Variants in OXNAD1 observed in about 807,000 individuals in gnomAD.
OXNAD1 encodes the protein oxidoreductase NAD binding domain containing 1, also known as oxidoreductase NAD-binding domain-containing protein 1.
A neutral mutation model predicts 32.9 loss-of-function variants in OXNAD1; 34 were observed. The observed-to-expected ratio is 1.03, with a 90% CI of 0.79 to 1.38. OXNAD1 has a LOEUF of 1.38. Among genes scored for constraint, OXNAD1 ranks in the 40% most tolerant of loss-of-function variants. The pLI is 0.00. For missense variants in OXNAD1, 407 were observed against 379.4 expected (o/e 1.07, Z -0.60); for synonymous variants, 134 against 135.2 (o/e 0.99, Z 0.06).
rs180950245 is a variant in OXNAD1, at chr3:16,323,391, C to G, written c.*31-13721C>G. The G allele has an allele frequency of 5.5e-5, 88 of 1,609,912 alleles. No individual in the cohort carries two copies. In the East Asian group the frequency reaches 1.7e-3, roughly 31 times the overall value. ...AGTCTCTTACCTTCGATTCCTTCTTCTTGATTTTCTGAGGTAGACAAGGTC... is the reference window on the plus strand; with the variant it reads ...AGTCTCTTACCTTCGATTCCTTCTTGTTGATTTTCTGAGGTAGACAAGGTC... On this transcript the variant is annotated intron_variant, in intron 9 of 9. Transcript: ENST00000435829.
chr3:16,286,262 C>T, intron 4 of OXNAD1, 80 bp from the exon 5 acceptor site: 6 of 1,124,994 alleles, frequency 5.3e-6, no homozygotes, highest in Non-Finnish European at 8.0e-6. Flanking sequence ...TTTCAAAAAC[C>T]TTAGTTCTCA....
At position 16,270,929 on chromosome 3, in the gene OXNAD1, T is replaced by C; in HGVS notation, c.-8-16T>C. The C allele has an allele frequency of 6.2e-7, 1 of 1,613,618 alleles. No individual in the cohort carries two copies. The highest frequency in any genetic ancestry group is 1.7e-4 in the Middle Eastern group (1 of 6,058). On this transcript the variant is annotated splice_polypyrimidine_tract_variant and intron_variant, in intron 2 of 8. Transcript: ENST00000285083. ...TTAAAAAAACAATTTGAAATTTCAG[T>C]TTTCTGTTTGCCCAGAAAGCGCCAT...
chr3:16,329,353 GGGAA>G lies in OXNAD1; in HGVS notation c.*31-7758_*31-7755del, dbSNP rs2070063125. Reference sequence around the variant, plus strand: ...CAGGGCGGAAGTGGAGAAAGGGAAAGGGAAAGAGGAAACTTAATAAAGGAAGGCG... The same window carrying G: ...CAGGGCGGAAGTGGAGAAAGGGAAAGAGAGGAAACTTAATAAAGGAAGGCG... On this transcript the variant is annotated intron_variant, in intron 9 of 9. Coordinates refer to the OXNAD1 transcript ENST00000435829. The surrounding 1 kb of genome is among the most constrained non-coding windows in gnomAD (Gnocchi z 4.5). 6.6e-6 allele frequency among the ~76,000 whole-genome samples: 1 copy of G among 151,338 alleles called. No homozygotes were observed. The highest frequency in any genetic ancestry group is 2.4e-5 in the African/African-American group (1 of 41,130).
At chr3:16,274,753 T>C (rs2065202145) in intron 4 of OXNAD1, among the ~76,000 whole-genome samples, 1 of 152,242 alleles carries the variant, frequency 6.6e-6, no homozygotes, top group South Asian at 2.1e-4. Context: ...ACCTGACGTC[T>C]GTTTCAGGTT....
intron 5 of OXNAD1, among the ~76,000 whole-genome samples, chr3:16,293,589 G>C (rs566011109): frequency 1.1e-4 from 17 of 150,704 alleles, no homozygotes; most frequent in African/African-American, 3.2e-4. Context: ...TTTCTCTTAG[G>C]GGGGAAACTT....
In OXNAD1 at chr3:16,346,439, TC is replaced by T. The variant is rs1300093140; in HGVS notation, c.*31-2735del. The T allele has an allele frequency of 1.3e-5, 2 of 152,166 alleles. No homozygotes were observed. The highest frequency in any genetic ancestry group is 2.4e-5 in the African/African-American group (1 of 41,436). The allele number at this position is 152,166 out of a possible 1,614,324, so 9.4% of individuals were successfully genotyped here. On this transcript the variant is annotated intron_variant, in intron 9 of 9. Coordinates refer to the OXNAD1 transcript ENST00000606098. The surrounding 1 kb of genome is among the most constrained non-coding windows in gnomAD (Gnocchi z 4.4). ...AGATAAAGATTAAAGGTCAAATACT[TC>T]CTTTTGTCATCTCATTATCCAAACC...
At chr3:16,279,245 G>A (rs1289370568) in intron 4 of OXNAD1, among the ~76,000 whole-genome samples, 1 of 152,110 alleles carries the variant, frequency 6.6e-6, no homozygotes, top group African/African-American at 2.4e-5. Context: ...TGGGGGGCTG[G>A]ACTGCAGCTC....
rs1020648342 is a variant in OXNAD1, at chr3:16,289,925, C to A, written c.290+3477C>A. ...GGTTCATTGAGGGCAGCAACTAAGA[C>A]ATATGTGCATCTTTGTACCTCCAGC... is the stretch of plus-strand genomic sequence containing the variant. On this transcript the variant is annotated intron_variant, in intron 5 of 8. Transcript: ENST00000285083. The surrounding 1 kb of genome is among the most constrained non-coding windows in gnomAD (Gnocchi z 4.9). Among the ~76,000 whole-genome samples, 15 of 152,216 alleles carry A rather than the reference C, an allele frequency of 9.9e-5. No individual in the cohort carries two copies. The highest frequency in any genetic ancestry group is 4.8e-5 in the African/African-American group (2 of 41,456).
chr3:16,344,074 G>T lies in OXNAD1; in HGVS notation c.*31-5102G>T, dbSNP rs1311658305. Among the ~76,000 whole-genome samples, 1 of 152,248 alleles carries T rather than the reference G, an allele frequency of 6.6e-6. No homozygotes were observed. Among genetic ancestry groups the T allele is most frequent in the East Asian group, 1.9e-4 (1 of 5,200 alleles). ...CACAGCCCAGAGCACTTGGAGGGAAGCAGTAGAGACATTCTTGGCCTGTAT... is the reference window on the plus strand; with the variant it reads ...CACAGCCCAGAGCACTTGGAGGGAATCAGTAGAGACATTCTTGGCCTGTAT... On this transcript the variant is annotated intron_variant, in intron 9 of 9. Coordinates refer to the OXNAD1 transcript ENST00000606098. This position sits in a 1 kb window ranked among gnomAD's most constrained non-coding sequence, Gnocchi z 4.4.
intron 4 of OXNAD1, chr3:16,276,338 GA>G: frequency 5.2e-6 from 1 of 193,876 alleles, no homozygotes; most frequent in Non-Finnish European, 1.1e-5. Context: ...TTTCTTCTGT[GA>G]ATTTTTTTTT....
In OXNAD1 at chr3:16,317,037, C is replaced by T; in HGVS notation, c.*30+13445C>T. ...TCTCCCTTGTCCTCTTGGACAGGGC[C>T]CTTCATCTCCTCGGAGACTCCACCC... is the stretch of plus-strand genomic sequence containing the variant. On this transcript the variant is annotated intron_variant, in intron 9 of 9. Transcript: ENST00000435829. The surrounding 1 kb of genome is among the most constrained non-coding windows in gnomAD (Gnocchi z 4.3). The T allele has an allele frequency of 6.2e-7, 1 of 1,613,796 alleles. No individual in the cohort carries two copies. Among genetic ancestry groups the T allele is most frequent in the Non-Finnish European group, 8.5e-7 (1 of 1,179,952 alleles).
rs573114437 is a variant in OXNAD1, at chr3:16,318,224, G to A, written c.*30+14632G>A. Among the ~76,000 whole-genome samples the A allele has an allele frequency of 9.2e-5, 14 of 152,154 alleles. 1 individual carries two copies. In the South Asian group the frequency reaches 1.2e-3, roughly 14 times the overall value. On this transcript the variant is annotated intron_variant, in intron 9 of 9. Transcript: ENST00000435829. The stretch of plus-strand genomic sequence containing the variant: ...TTTCTCAATCTGAATTTCTCATCTC[G>A]GTGGCCCAGAGTGCACGTGGGGTTT...
intron 4 of OXNAD1, among the ~76,000 whole-genome samples, chr3:16,281,730 G>A (rs898949548): frequency 6.6e-6 from 1 of 152,020 alleles, no homozygotes; most frequent in Non-Finnish European, 1.5e-5. Context: ...TGATCGTGAC[G>A]CATTCTCAGG....
At chr3:16,272,267 C>T in intron 4 of OXNAD1, 1 of 406,740 alleles carries the variant, frequency 2.5e-6, no homozygotes, top group Non-Finnish European at 4.8e-6. Flanking sequence ...AGCTAATCTA[C>T]CACCTGAAGG....
Position 16,301,630 on chromosome 3 carries a change from C to G in OXNAD1, c.437C>G (p.Thr146Arg). 6.2e-7 allele frequency: 1 copy of G among 1,613,918 alleles called. No individual in the cohort carries two copies. The highest frequency in any genetic ancestry group is 8.5e-7 in the Non-Finnish European group (1 of 1,179,918). The change falls in exon 7 of 9, where the codon ACA becomes AGA. Residue 146 changes from threonine (T) to arginine (R), a missense_variant. Thr to Arg is a moderately conservative substitution (Grantham distance 71, BLOSUM62 -1). Transcript: ENST00000285083. This position sits in a 1 kb window ranked among gnomAD's most constrained non-coding sequence, Gnocchi z 4.1. ...GTCTTTTCTTTCCTGCCTTAGTGTA[C>G]ACTTGACTGTGAAGTGGCTGTGAGA... ...PPALWVHNTC[T>R]LDCEVAVRVG...
At position 16,297,866 on chromosome 3, in the gene OXNAD1, G is replaced by A. The variant is rs2066909103; in HGVS notation, c.432+2869G>A. The stretch of plus-strand genomic sequence containing the variant: ...CGATAGCACAGGGGAATATTTTCAG[G>A]GGGTGATGGAACTAATATATGTTTT... On this transcript the variant is annotated intron_variant, in intron 6 of 8. Transcript: ENST00000285083. The surrounding 1 kb of genome is among the most constrained non-coding windows in gnomAD (Gnocchi z 4.3). 6.6e-6 allele frequency among the ~76,000 whole-genome samples: 1 copy of A among 152,120 alleles called. No individual in the cohort carries two copies. Among genetic ancestry groups the A allele is most frequent in the African/African-American group, 2.4e-5 (1 of 41,402 alleles).
chr3:16,331,302 G>C (rs540150135), intron 9 of OXNAD1, among the ~76,000 whole-genome samples: 9 of 152,230 alleles, frequency 5.9e-5, no homozygotes, highest in Non-Finnish European at 1.3e-4. Flanking sequence ...ATCAGTTTTA[G>C]GTATCCTAAT....
rs2125091892 is a variant in OXNAD1, at chr3:16,301,132, C to T, written c.433-494C>T. On this transcript the variant is annotated intron_variant, in intron 6 of 8. Coordinates refer to ENST00000285083, the MANE Select transcript of OXNAD1 (RefSeq NM_138381.5). The surrounding 1 kb of genome is among the most constrained non-coding windows in gnomAD (Gnocchi z 4.1). ...GCTGGTCTAAGCCTGTAGAGCTGGT[C>T]TGGCTGTGCCTTACTGAGGATCAAG... Among the ~76,000 whole-genome samples the T allele has an allele frequency of 6.6e-6, 1 of 152,322 alleles. No homozygotes were observed. The highest frequency in any genetic ancestry group is 6.5e-5 in the Admixed American group (1 of 15,300).
At chr3:16,286,287 G>A in intron 4 of OXNAD1, 55 bp from the exon 5 acceptor site, 1 of 1,349,552 alleles carries the variant, frequency 7.4e-7, no homozygotes, top group Admixed American at 1.8e-5. Flanking sequence ...GCCACCATTT[G>A]TCCCTTGTGC....
Sources: allele counts gnomAD v4.1 joint callset (sites outside exome capture counted in the v4.1 genomes callset), GRCh38; gene constraint gnomAD v4.1.1; non-coding constraint Gnocchi (gnomAD v3.1); transcripts MANE v1.5; gene names NCBI Gene and HGNC (gene_info 2026-07-23, HGNC 2026-07-21).